FMN1: variants seen among roughly 807,000 people sequenced by gnomAD.
FMN1 encodes formin-1.
Under a neutral mutation model 132.4 loss-of-function variants are expected in FMN1, and 110 were observed. The observed-to-expected ratio is 0.83, with a 90% CI of 0.71 to 0.97. The LOEUF is 0.97. FMN1 is among the 50% of genes least tolerant of loss of function. The probability of loss-of-function intolerance (pLI) is 0.00; values close to 1 mark genes in which losing one functional copy is unlikely to be tolerated. For synonymous variants in FMN1, 722 were observed against 651.7 expected, an observed-to-expected ratio of 1.11 and a Z score of -1.64; for missense variants, 1,792 against 1,705.3, an observed-to-expected ratio of 1.05 and a Z score of -0.90.
At chr15:32,801,396 C>G (rs767513819) in intron 18 of FMN1, among the ~76,000 whole-genome samples, 10 of 152,028 alleles carry the variant, frequency 6.6e-5, no homozygotes, top group Non-Finnish European at 1.3e-4. Context: ...TCAGAAGAAC[C>G]AAAGTACACA....
chr15:32,811,751 G>T (rs2057887755), intron 17 of FMN1, among the ~76,000 whole-genome samples: 1 of 150,932 alleles, frequency 6.6e-6, no homozygotes, highest in Non-Finnish European at 1.5e-5. Flanking sequence ...TGCAACCTCC[G>T]CCTCCTGGGT....
intron 4 of FMN1, among the ~76,000 whole-genome samples, chr15:33,094,909 G>C (rs1304756915): frequency 6.6e-6 from 1 of 152,110 alleles, no homozygotes; most frequent in South Asian, 2.1e-4. Flanking sequence ...ATGCAGAAAA[G>C]ATCAAGGAAA....
chr15:33,094,428 A>G (rs1403956090), intron 4 of FMN1, among the ~76,000 whole-genome samples: 1 of 152,206 alleles, frequency 6.6e-6, no homozygotes, highest in African/African-American at 2.4e-5. Context: ...TTCTTTTGTC[A>G]GAGAAGATAA....
At chr15:33,012,218 A>C in intron 6 of FMN1, 1 of 657,192 alleles carries the variant, frequency 1.5e-6, no homozygotes, top group Non-Finnish European at 2.8e-6. Flanking sequence ...CTGAGGAATC[A>C]TTTTGAGCAA....
At chr15:33,059,580 T>TA (rs139521189) in intron 6 of FMN1, among the ~76,000 whole-genome samples, 3,293 of 152,294 alleles carry the variant, frequency 0.022, 114 homozygotes, top group African/African-American at 0.076. Context: ...CAAAAAGATT[T>TA]AAAAAAATTT....
At chr15:32,950,819 C>T (rs2061634814) in intron 9 of FMN1, among the ~76,000 whole-genome samples, 1 of 152,126 alleles carries the variant, frequency 6.6e-6, no homozygotes, top group African/African-American at 2.4e-5. Flanking sequence ...AAAACCTGCA[C>T]GTGTACCCCT....
chr15:32,835,594 G>A (rs1419906077), intron 17 of FMN1, among the ~76,000 whole-genome samples: 1 of 152,246 alleles, frequency 6.6e-6, no homozygotes, highest in Admixed American at 6.5e-5. Flanking sequence ...TGATGGTTTG[G>A]AAGGGTTTGT....
intron 19 of FMN1, among the ~76,000 whole-genome samples, chr15:32,782,153 T>G (rs2056685291): frequency 6.6e-6 from 1 of 152,176 alleles, no homozygotes; most frequent in African/African-American, 2.4e-5. Flanking sequence ...TAGAACTGAG[T>G]AGGTGTCTTA....
intron 9 of FMN1, among the ~76,000 whole-genome samples, chr15:32,947,501 T>A (rs1488405274): frequency 6.6e-6 from 1 of 152,106 alleles, no homozygotes; most frequent in Admixed American, 6.5e-5. Flanking sequence ...AGTTGTTTTT[T>A]GAACATTTGT....
intron 5 of FMN1, chr15:33,067,551 C>CT: frequency 6.2e-7 from 1 of 1,613,930 alleles, no homozygotes; most frequent in Non-Finnish European, 8.5e-7. Flanking sequence ...GATGTCCCTG[C>CT]TTCTTTTCTC....
At chr15:32,970,695 G>A (rs2031708994) in intron 7 of FMN1, 1 of 152,060 alleles carries the variant, frequency 6.6e-6, no homozygotes, top group Admixed American at 6.6e-5. Context: ...ATACACACAG[G>A]AAGCTCATCT....
chr15:32,939,718 T>C (rs1022415550), intron 9 of FMN1, among the ~76,000 whole-genome samples: 4 of 152,176 alleles, frequency 2.6e-5, no homozygotes, highest in East Asian at 1.9e-4. Flanking sequence ...CCCAAATCCA[T>C]TGACATCTCT....
chr15:32,852,429 G>A (rs1158570906), intron 17 of FMN1, among the ~76,000 whole-genome samples: 1 of 152,072 alleles, frequency 6.6e-6, no homozygotes, highest in African/African-American at 2.4e-5. Flanking sequence ...TGTTGCTAAG[G>A]CTGGAGTACG....
At chr15:32,965,954 T>C (rs940098238) in intron 8 of FMN1, among the ~76,000 whole-genome samples, 1 of 152,164 alleles carries the variant, frequency 6.6e-6, no homozygotes, top group Non-Finnish European at 1.5e-5. Flanking sequence ...ACCACGGATG[T>C]TAAGTGCTTA....
chr15:32,811,714 G>T (rs1335737291), intron 17 of FMN1, among the ~76,000 whole-genome samples: 1 of 151,648 alleles, frequency 6.6e-6, no homozygotes, highest in African/African-American at 2.4e-5. Flanking sequence ...ACTCAGGCTG[G>T]AGTGCAGTGG....
intron 6 of FMN1, among the ~76,000 whole-genome samples, chr15:33,061,131 G>A (rs1023626313): frequency 6.6e-6 from 1 of 152,136 alleles, no homozygotes; most frequent in Admixed American, 6.5e-5. Context: ...GTTTTCTTCT[G>A]TGCTTTCTAT....
intron 17 of FMN1, among the ~76,000 whole-genome samples, chr15:32,841,339 G>C (rs1345394515): frequency 6.6e-6 from 1 of 152,124 alleles, no homozygotes; most frequent in Admixed American, 6.5e-5. Context: ...TTATTTTAAA[G>C]TAAGGCTTGT....
intron 17 of FMN1, among the ~76,000 whole-genome samples, chr15:32,809,392 G>T (rs1356761727): frequency 6.6e-6 from 1 of 152,114 alleles, no homozygotes; most frequent in East Asian, 1.9e-4. Context: ...AGTGAACTAT[G>T]CCCCTTTTCT....
At chr15:33,185,524 A>G (rs1323417940) in intron 2 of FMN1, among the ~76,000 whole-genome samples, 1 of 145,900 alleles carries the variant, frequency 6.9e-6, no homozygotes, top group Non-Finnish European at 1.5e-5. Flanking sequence ...GAGAAGTCTT[A>G]TTTCAATGAA....
Sources: gnomAD v4.1 joint callset for allele counts (sites outside exome capture counted in the v4.1 genomes callset) on GRCh38, gnomAD v4.1.1 for gene constraint, MANE v1.5 for transcripts, NCBI Gene and HGNC (gene_info 2026-07-23, HGNC 2026-07-21) for gene names.